ARID3B: variants seen among roughly 807,000 people sequenced by gnomAD.
ARID3B encodes AT-rich interaction domain 3B, also known as AT-rich interactive domain-containing protein 3B.
In ARID3B, 10 loss-of-function variants were observed where a neutral mutation model predicts 51.9. The observed-to-expected ratio is 0.19, with a 90% CI of 0.12 to 0.33. The LOEUF (loss-of-function observed/expected upper bound fraction) is 0.33. ARID3B is among the 10% of genes least tolerant of loss of function. ARID3B has a pLI of 1.00. For missense variants in ARID3B, 483 were observed against 716.3 expected (o/e 0.67, Z 3.72); for synonymous variants, 205 against 279.5 (o/e 0.73, Z 2.66).
Position 74,597,535 on chromosome 15 carries a change from C to T in ARID3B, c.*1761C>T. 1.9e-6 allele frequency: 1 copy of T among 535,940 alleles called. No homozygotes were observed. Among genetic ancestry groups the T allele is most frequent in the Non-Finnish European group, 3.6e-6 (1 of 276,812 alleles). 33.2% of individuals were successfully genotyped at this position (535,940 alleles called of 1,614,324 possible). On this transcript the variant is annotated 3_prime_UTR_variant, in exon 9 of 9. Coordinates refer to ENST00000346246, the MANE Select transcript of ARID3B (RefSeq NM_006465.4). The stretch of plus-strand genomic sequence containing the variant: ...CATACACACACACACACACATACCC[C>T]ATCTCCCGAGGGCTGACCTCCTCTG...
intron 4 of ARID3B, among the ~76,000 whole-genome samples, chr15:74,586,980 C>T (rs982180754): frequency 2.6e-5 from 4 of 152,134 alleles, no homozygotes; most frequent in South Asian, 2.1e-4. Context: ...CACAAAAGAG[C>T]GTGTTTTGGG....
intron 4 of ARID3B, among the ~76,000 whole-genome samples, chr15:74,575,931 C>A (rs564281330): frequency 6.6e-6 from 1 of 152,328 alleles, no homozygotes; most frequent in East Asian, 1.9e-4. Context: ...GGGTCTCACT[C>A]TGTTGCCTCA....
At chr15:74,577,671 A>G (rs1233262371) in intron 4 of ARID3B, among the ~76,000 whole-genome samples, 1 of 151,886 alleles carries the variant, frequency 6.6e-6, no homozygotes, top group Non-Finnish European at 1.5e-5. Context: ...ACAGGTGTGC[A>G]CCACCACACT....
chr15:74,566,510 C>T (rs1392652044), intron 2 of ARID3B, among the ~76,000 whole-genome samples: 1 of 151,486 alleles, frequency 6.6e-6, no homozygotes, highest in Non-Finnish European at 1.5e-5. Flanking sequence ...GGCTGAGGCA[C>T]CAGAATCACT....
intron 2 of ARID3B, among the ~76,000 whole-genome samples, chr15:74,566,493 C>T (rs1192325168): frequency 6.6e-6 from 1 of 151,766 alleles, no homozygotes; most frequent in African/African-American, 2.4e-5. Context: ...ATCCCAGCTG[C>T]TCAGGAGGCT....
chr15:74,546,068 C>G (rs2061614441), intron 2 of ARID3B, among the ~76,000 whole-genome samples: 1 of 151,756 alleles, frequency 6.6e-6, no homozygotes, highest in South Asian at 2.1e-4. Context: ...AGACATGCCT[C>G]TGAAGTGGGA....
intron 4 of ARID3B, among the ~76,000 whole-genome samples, chr15:74,581,326 G>A (rs1321468058): frequency 6.6e-6 from 1 of 152,194 alleles, no homozygotes; most frequent in African/African-American, 2.4e-5. Context: ...TCCTTCTGTT[G>A]TGTGCTTATC....
chr15:74,582,293 G>A (rs1309502813), intron 4 of ARID3B, among the ~76,000 whole-genome samples: 3 of 151,652 alleles, frequency 2.0e-5, no homozygotes, highest in South Asian at 2.1e-4. Context: ...TCAGCCTCCC[G>A]AGTAGCTGGG....
At chr15:74,594,374 G>A (rs1030750338) in intron 8 of ARID3B, among the ~76,000 whole-genome samples, 2 of 152,176 alleles carry the variant, frequency 1.3e-5, no homozygotes, top group African/African-American at 4.8e-5. Context: ...CGTGAACCTG[G>A]GAGGCAGAGC....
At chr15:74,571,500 C>T (rs940822922) in intron 2 of ARID3B, among the ~76,000 whole-genome samples, 2 of 152,110 alleles carry the variant, frequency 1.3e-5, no homozygotes, top group Admixed American at 6.5e-5. Context: ...ACCAGTGGGT[C>T]GGGGTGAACA....
chr15:74,546,286 C>CT (rs2061615351), intron 2 of ARID3B, among the ~76,000 whole-genome samples: 1 of 151,450 alleles, frequency 6.6e-6, no homozygotes, highest in South Asian at 2.1e-4. Context: ...GAGTTCCATA[C>CT]CGGCCGCTGA....
Position 74,596,828 on chromosome 15 carries a change from AC to A in ARID3B, c.*1056del, listed in dbSNP as rs1302984964. 1 of 233,024 alleles carries A rather than the reference AC, an allele frequency of 4.3e-6. No homozygotes were observed. Among genetic ancestry groups the A allele is most frequent in the African/African-American group, 2.2e-5 (1 of 45,196 alleles). The allele number at this position is 233,024 out of a possible 1,614,324, so 14.4% of individuals were successfully genotyped here. A position where few individuals can be genotyped will look rare whatever the true frequency, so the allele number is the denominator to read the frequency against. On this transcript the variant is annotated 3_prime_UTR_variant, in exon 9 of 9. Coordinates refer to ENST00000346246, the MANE Select transcript of ARID3B (RefSeq NM_006465.4). ...TTTATTTTAAAATTTTTATCGTAGC[AC>A]CAAAGAAATGAAAACAGATCACCCC...
intron 2 of ARID3B, among the ~76,000 whole-genome samples, chr15:74,569,555 C>G (rs902230353): frequency 6.6e-6 from 1 of 152,150 alleles, no homozygotes; most frequent in Non-Finnish European, 1.5e-5. Context: ...CCACTGCACT[C>G]CAGCCTACAA....
At chr15:74,586,210 T>G (rs1190877931) in intron 4 of ARID3B, among the ~76,000 whole-genome samples, 4 of 152,226 alleles carry the variant, frequency 2.6e-5, no homozygotes, top group Non-Finnish European at 5.9e-5. Flanking sequence ...AGTGCACCTC[T>G]TACCTGCGGT....
In ARID3B at chr15:74,595,755, C is replaced by G. The variant is rs1208526520; in HGVS notation, c.1664C>G (p.Ser555Cys). The change falls in exon 9 of 9, where the codon TCC (serine) becomes TGC (cysteine). Residue 555 changes from serine to cysteine, a missense_variant. Around this residue, in one of 3 missense-constraint regions of ARID3B, gnomAD observed 265 missense variants for 354.4 expected, o/e 0.75. Transcript: ENST00000346246. ...SSRGTPSAEPSTSWSL is the reference protein window; with the variant it reads ...SSRGTPSAEPCTSWSL The stretch of plus-strand genomic sequence containing the variant: ...CGGGGCACCCCCAGCGCAGAGCCCT[C>G]CACCAGCTGGTCCCTCTGATGGGCA... The G allele has an allele frequency of 1.9e-6, 3 of 1,605,988 alleles. No homozygotes were observed. Among genetic ancestry groups the G allele is most frequent in the Non-Finnish European group, 2.6e-6 (3 of 1,175,176 alleles).
intron 2 of ARID3B, among the ~76,000 whole-genome samples, chr15:74,547,109 C>T (rs2061618608): frequency 6.6e-6 from 1 of 151,978 alleles, no homozygotes; most frequent in Non-Finnish European, 1.5e-5. Flanking sequence ...ATCCCTTGCT[C>T]CAGCAACAAT....
chr15:74,591,099 G>C lies in ARID3B; in HGVS notation c.882-52G>C. 1.9e-6 allele frequency: 3 copies of C among 1,538,678 alleles called. No individual in the cohort carries two copies. The highest frequency in any genetic ancestry group is 1.4e-5 in the African/African-American group (1 of 72,962). The stretch of plus-strand genomic sequence containing the variant: ...AGAGACCCACCAACCTCAACTGGGT[G>C]GTCTCTGGTGCTGTTTTGGATTATT... On this transcript the variant is annotated intron_variant, in intron 5 of 8. Coordinates refer to ENST00000346246, the MANE Select transcript of ARID3B (RefSeq NM_006465.4). The surrounding 1 kb of genome is among the most constrained non-coding windows in gnomAD (Gnocchi z 5.8).
rs2061802325 is a variant in ARID3B at position 74,591,320 on chromosome 15, G to A, written c.1051G>A (p.Ala351Thr). 3 of 1,613,812 alleles carry A rather than the reference G, an allele frequency of 1.9e-6. No homozygotes were observed. Among genetic ancestry groups the A allele is most frequent in the Non-Finnish European group, 2.5e-6 (3 of 1,179,954 alleles). Residue 351 changes from alanine to threonine, a missense_variant, in exon 6 of 9, where the codon GCC becomes ACC. Physicochemically the swap from Ala to Thr is moderately conservative, Grantham distance 58. Around this residue, in one of 3 missense-constraint regions of ARID3B, gnomAD observed 265 missense variants for 354.4 expected, o/e 0.75. Coordinates refer to ENST00000346246, the MANE Select transcript of ARID3B (RefSeq NM_006465.4). The surrounding 1 kb of genome is among the most constrained non-coding windows in gnomAD (Gnocchi z 5.8). ...GGCTACTGCTGCTGCCGCTGCCGGG[G>A]CCCCTGCCCTTCTCTCCCCACCCAA... The part of the protein sequence containing the change: ...AAATAAAAAG[A>T]PALLSPPKIR...
chr15:74,544,124 G>A lies in ARID3B; in HGVS notation c.188G>A (p.Ser63Asn). 6.2e-7 allele frequency: 1 copy of A among 1,613,974 alleles called. No homozygotes were observed. The highest frequency in any genetic ancestry group is 1.1e-5 in the South Asian group (1 of 91,074). ...LSATAGRPSG[S>N]TPLGPLARVP... is the part of the protein sequence containing the mutation. ...GCCACAGCTGGGAGACCTTCTGGCA[G>A]CACTCCCTTAGGTCCCTTAGCCAGA... The change falls in exon 2 of 9, where the codon AGC becomes AAC. Residue 63 changes from serine to asparagine, a missense_variant. This residue lies in a region of ARID3B where 182 missense variants were observed against 244.5 expected (regional missense o/e 0.74). Transcript: ENST00000346246.
Sources: gnomAD v4.1 joint callset for allele counts (sites outside exome capture counted in the v4.1 genomes callset) on GRCh38, gnomAD v4.1.1 for gene constraint, gnomAD v4.1.1 regional missense constraint, Gnocchi (gnomAD v3.1) non-coding constraint, MANE v1.5 for transcripts, NCBI Gene and HGNC (gene_info 2026-07-23, HGNC 2026-07-21) for gene names.